Variants in PCF11 observed in about 807,000 individuals in gnomAD.
The protein encoded by PCF11 is pre-mRNA cleavage complex 2 protein Pcf11.
In PCF11, 19 loss-of-function variants were observed where a neutral mutation model predicts 166.1. The ratio of observed to expected loss-of-function variants is 0.11; its 90% CI spans 0.08 to 0.17. PCF11 has a LOEUF of 0.17. Among genes scored for constraint, PCF11 ranks in the 10% least tolerant of loss-of-function variants. The pLI is 1.00. For synonymous variants in PCF11, 663 were observed against 644.1 expected (o/e 1.03, Z -0.44); for missense variants, 1,565 against 1,855.5 (o/e 0.84, Z 2.88).
intron 1 of PCF11, among the ~76,000 whole-genome samples, chr11:83,159,381 A>G (rs1021096591): frequency 1.3e-5 from 2 of 152,210 alleles, no homozygotes; most frequent in Non-Finnish European, 2.9e-5. Flanking sequence ...TTTAAAATCT[A>G]ATTACCTCGT....
At chr11:83,177,452 T>A (rs1423427988) in intron 10 of PCF11, among the ~76,000 whole-genome samples, 1 of 152,222 alleles carries the variant, frequency 6.6e-6, no homozygotes, top group Admixed American at 6.5e-5. Context: ...CCAGTAATTG[T>A]ATGTTAGATT....
In PCF11 at chr11:83,167,103, C is replaced by T; in HGVS notation, c.1818-22C>T. The T allele has an allele frequency of 6.4e-7, 1 of 1,573,902 alleles. No homozygotes were observed. The highest frequency in any genetic ancestry group is 8.7e-7 in the Non-Finnish European group (1 of 1,153,718). On this transcript the variant is annotated intron_variant, in intron 5 of 15. Coordinates refer to ENST00000298281, the Ensembl canonical transcript of PCF11. This position sits in a 1 kb window ranked among gnomAD's most constrained non-coding sequence, Gnocchi z 4.2. Reference sequence around the variant, plus strand: ...TTTTTAAAAAAACATTTCAATGTAACATACTGCTTTTATGGTTTCAGCTTA... The same window carrying T: ...TTTTTAAAAAAACATTTCAATGTAATATACTGCTTTTATGGTTTCAGCTTA...
chr11:83,167,219 A>C lies in PCF11; in HGVS notation c.1912A>C (p.Lys638Gln), dbSNP rs772730318. 1.5e-5 allele frequency: 24 copies of C among 1,613,718 alleles called. No homozygotes were observed. Among genetic ancestry groups the C allele is most frequent in the Non-Finnish European group, 1.9e-5 (23 of 1,179,754 alleles). The change falls in exon 6 of 16, where the codon AAG (lysine) becomes CAG (glutamine). Residue 638 changes from lysine (K) to glutamine (Q), a missense_variant. Lys to Gln is a moderately conservative substitution (Grantham distance 53, BLOSUM62 1). Coordinates refer to ENST00000298281, the Ensembl canonical transcript of PCF11. The surrounding 1 kb of genome is among the most constrained non-coding windows in gnomAD (Gnocchi z 4.2). The stretch of plus-strand genomic sequence containing the variant: ...AGGAATTTTATCACCTCGAGCCCCA[A>C]AGCAGCAACAGCATCGATTAAGTGT...
In PCF11 at chr11:83,182,345, T is replaced by C; in HGVS notation, c.4324-54T>C. 9 of 905,138 alleles carry C rather than the reference T, an allele frequency of 9.9e-6. No individual in the cohort carries two copies. In the South Asian group the frequency reaches 1.3e-4, roughly 13 times the overall value. The allele number at this position is 905,138 out of a possible 1,614,324, so 56.1% of individuals were successfully genotyped here. The stretch of plus-strand genomic sequence containing the variant: ...ACAGTGTTTGTATATTTTTACTTAA[T>C]GGGGTTAAATATGGTCTATTATGTA... On this transcript the variant is annotated intron_variant, in intron 13 of 15. Coordinates refer to ENST00000298281, the Ensembl canonical transcript of PCF11.
chr11:83,157,714 C>T, intron 1 of PCF11, 83 bp downstream of exon 1: 7 of 1,253,198 alleles, frequency 5.6e-6, no homozygotes, highest in Non-Finnish European at 8.1e-6. Context: ...TCGCTTCCAT[C>T]CCAAGGGGGA....
chr11:83,158,666 G>A (rs1399508532), intron 1 of PCF11: 1 of 152,154 alleles, frequency 6.6e-6, no homozygotes, highest in Non-Finnish European at 1.5e-5. Flanking sequence ...TCACGGTTTA[G>A]TTTTTTCTAG....
At chr11:83,181,765 C>A in intron 12 of PCF11, 89 bp from the exon 13 acceptor site, 7 of 800,938 alleles carry the variant, frequency 8.7e-6, no homozygotes, top group South Asian at 4.6e-5. Context: ...AATAGTATAC[C>A]CCTACCTTTA....
exon 5 of PCF11, chr11:83,165,724 C>T (rs1223005934): frequency 6.2e-7 from 1 of 1,613,800 alleles, no homozygotes; most frequent in Non-Finnish European, 8.5e-7. Context: ...CCTGTGCAAT[C>T]TGAGAAAAGC....
At chr11:83,166,256 T>G (rs1482430578) in exon 5 of PCF11, 16 of 1,613,242 alleles carry the variant, frequency 9.9e-6, no homozygotes, top group Non-Finnish European at 1.4e-5. Context: ...TAAATGGCAT[T>G]GTACAAAAAC....
chr11:83,187,164 TCTC>T (rs1231992539), exon 16 of PCF11: 1 of 152,556 alleles, frequency 6.6e-6, no homozygotes, highest in African/African-American at 2.4e-5. Context: ...TTCAAGTGAT[TCTC>T]CTGTCTCAGC....
intron 15 of PCF11, chr11:83,184,465 C>G (rs765023105): frequency 2.0e-6 from 1 of 494,394 alleles, no homozygotes; most frequent in East Asian, 3.9e-5. Flanking sequence ...TAGCTGTTAA[C>G]TGCTTAACTC....
intron 1 of PCF11, among the ~76,000 whole-genome samples, chr11:83,159,482 A>G (rs1322171974): frequency 6.6e-6 from 1 of 152,186 alleles, no homozygotes; most frequent in Non-Finnish European, 1.5e-5. Flanking sequence ...GATCCGGAAG[A>G]CCTTCGAGAA....
chr11:83,179,899 C>A (rs1443347307), intron 11 of PCF11, among the ~76,000 whole-genome samples: 1 of 151,986 alleles, frequency 6.6e-6, no homozygotes, highest in Non-Finnish European at 1.5e-5. Context: ...TCCTGGGTGA[C>A]AGAGCGCGAG....
At chr11:83,180,063 G>A (rs1861033422) in intron 11 of PCF11, 3 of 151,228 alleles carry the variant, frequency 2.0e-5, no homozygotes, top group Admixed American at 6.6e-5. Context: ...CAAAGTACCA[G>A]TGTTCTGTTA....
chr11:83,164,530 C>A (rs2135420783), intron 4 of PCF11, 129 bp downstream of exon 4: 1 of 681,000 alleles, frequency 1.5e-6, no homozygotes, highest in Non-Finnish European at 2.4e-6. Context: ...TTTTATTTTA[C>A]AAATGAGTAT....
chr11:83,165,508 T>G, intron 4 of PCF11, 92 bp from the exon 5 acceptor site: 4 of 847,376 alleles, frequency 4.7e-6, no homozygotes, highest in Non-Finnish European at 7.2e-6. Context: ...ATATATTTAT[T>G]GAATAAAGCA....
chr11:83,182,761 A>G (rs142390196), intron 14 of PCF11, among the ~76,000 whole-genome samples: 1 of 152,274 alleles, frequency 6.6e-6, no homozygotes, highest in Non-Finnish European at 1.5e-5. Context: ...TTTTCTGTCG[A>G]CCCACACTAT....
intron 5 of PCF11, among the ~76,000 whole-genome samples, 193 bp downstream of exon 5, chr11:83,166,907 C>G (rs139955455): frequency 7.9e-4 from 120 of 152,184 alleles, no homozygotes; most frequent in African/African-American, 2.6e-3. Context: ...GAAAGGTTAA[C>G]TAATCTACCT....
exon 8 of PCF11, chr11:83,168,797 T>G (rs756384928): frequency 1.9e-6 from 3 of 1,613,270 alleles, no homozygotes; most frequent in Non-Finnish European, 2.5e-6. Context: ...CCTTTGAGAT[T>G]TGAAGGTCCT....
Sources: gnomAD v4.1 joint callset for allele counts (sites outside exome capture counted in the v4.1 genomes callset) on GRCh38, gnomAD v4.1.1 for gene constraint, Gnocchi (gnomAD v3.1) non-coding constraint, MANE v1.5 for transcripts, NCBI Gene and HGNC (gene_info 2026-07-23, HGNC 2026-07-21) for gene names.